ZBTB20: variants seen among roughly 807,000 people sequenced by gnomAD.
The protein encoded by ZBTB20 is zinc finger and BTB domain containing 20, also known as zinc finger and BTB domain-containing protein 20.
ZBTB20 carries 9 observed loss-of-function variants against 56.9 expected under a neutral mutation model. The ratio of observed to expected loss-of-function variants is 0.16; its 90% CI spans 0.10 to 0.28. The LOEUF (loss-of-function observed/expected upper bound fraction) is 0.28. Among genes scored for constraint, ZBTB20 ranks in the 10% least tolerant of loss-of-function variants. The pLI is 1.00. For synonymous variants in ZBTB20, 417 were observed against 420.7 expected (o/e 0.99, Z 0.11); for missense variants, 655 against 1,003.0 (o/e 0.65, Z 4.69).
At chr3:114,709,781 C>T (rs1025939772) in intron 5 of ZBTB20, among the ~76,000 whole-genome samples, 25 of 152,160 alleles carry the variant, frequency 1.6e-4, no homozygotes, top group Non-Finnish European at 3.5e-4. Flanking sequence ...TAGCTCTAGC[C>T]AACTTTTATA....
At chr3:114,922,697 C>T (rs1457062796) in intron 3 of ZBTB20, among the ~76,000 whole-genome samples, 1 of 152,208 alleles carries the variant, frequency 6.6e-6, no homozygotes, top group African/African-American at 2.4e-5. Context: ...TGCTTCCACT[C>T]ATGGCAGAAG....
At chr3:114,353,375 C>T (rs998725644) in intron 10 of ZBTB20, among the ~76,000 whole-genome samples, 11 of 152,186 alleles carry the variant, frequency 7.2e-5, no homozygotes, top group African/African-American at 2.2e-4. Flanking sequence ...AGCGTTTCTA[C>T]CTTGCTTCAC....
Position 114,338,982 on chromosome 3 carries a change from TAAGA to T in ZBTB20, c.*19_*22del. The T allele has an allele frequency of 3.4e-6, 5 of 1,487,330 alleles. No individual in the cohort carries two copies. The highest frequency in any genetic ancestry group is 1.4e-5 in the African/African-American group (1 of 71,452). 92.1% of individuals were successfully genotyped at this position (1,487,330 alleles called of 1,614,324 possible). A position where few individuals can be genotyped will look rare whatever the true frequency, so the allele number is the denominator to read the frequency against. On this transcript the variant is annotated 3_prime_UTR_variant, in exon 12 of 12. Coordinates refer to ENST00000675478, the MANE Select transcript of ZBTB20 (RefSeq NM_001348800.3). ...TTTTGTTGTTGTTTTGTTTTGTTCA[TAAGA>T]AAGAGAGAAAGATACTACTTATCCG...
In ZBTB20 at chr3:114,597,480, C is replaced by T. The variant is rs568823695; in HGVS notation, c.-295+96048G>A. 5.9e-5 allele frequency among the ~76,000 whole-genome samples: 9 copies of T among 152,304 alleles called. No individual in the cohort carries two copies. In the East Asian group the frequency reaches 1.5e-3, roughly 26 times the overall value. ...GGCAGCTTCTCTTGACCTTGATACA[C>T]TGTGCCATTGAAAGCAGTCACACTT... On this transcript the variant is annotated intron_variant, in intron 6 of 11. Transcript: ENST00000675478.
At chr3:114,792,876 CTT>C (rs71146337) in intron 5 of ZBTB20, among the ~76,000 whole-genome samples, 90,898 of 119,740 alleles carry the variant, frequency 0.76, 35,822 homozygotes, top group East Asian at 0.96. Flanking sequence ...TTTTCTTTTT[CTT>C]TTTTTTTTTT....
At chr3:114,575,333 T>C (rs993383925) in intron 6 of ZBTB20, among the ~76,000 whole-genome samples, 7 of 152,176 alleles carry the variant, frequency 4.6e-5, no homozygotes, top group Middle Eastern at 3.2e-3. Context: ...ATCAAATGTA[T>C]CATTAGAATT....
chr3:114,567,066 A>G (rs903744740), intron 6 of ZBTB20, among the ~76,000 whole-genome samples: 1 of 151,948 alleles, frequency 6.6e-6, no homozygotes, highest in Non-Finnish European at 1.5e-5. Context: ...CTGATGTGTG[A>G]TGGCTGCACA....
At chr3:114,341,152 T>C (rs367829279) in intron 11 of ZBTB20, among the ~76,000 whole-genome samples, 3 of 152,160 alleles carry the variant, frequency 2.0e-5, no homozygotes, top group African/African-American at 7.2e-5. Context: ...GATCACATGG[T>C]TAGAAGATAA....
chr3:114,439,588 T>C (rs1489440915), intron 7 of ZBTB20, among the ~76,000 whole-genome samples: 1 of 152,112 alleles, frequency 6.6e-6, no homozygotes, highest in Non-Finnish European at 1.5e-5. Context: ...TTTAAAGAGC[T>C]CAGACCAACA....
intron 1 of ZBTB20, among the ~76,000 whole-genome samples, chr3:115,128,296 G>C (rs940716895): frequency 2.6e-5 from 4 of 152,170 alleles, no homozygotes; most frequent in South Asian, 2.1e-4. Context: ...TTACGTGAAA[G>C]ATATAATATC....
At chr3:115,063,913 C>A (rs1476189259) in intron 2 of ZBTB20, among the ~76,000 whole-genome samples, 1 of 152,150 alleles carries the variant, frequency 6.6e-6, no homozygotes, top group African/African-American at 2.4e-5. Context: ...TCCCTTTCTT[C>A]CATCCTTCCA....
intron 5 of ZBTB20, among the ~76,000 whole-genome samples, chr3:114,735,407 T>C (rs2066073829): frequency 6.6e-6 from 1 of 152,146 alleles, no homozygotes. Context: ...AGTTTCTGAA[T>C]TTATCAACTT....
At chr3:114,665,303 A>G (rs1246867717) in intron 6 of ZBTB20, among the ~76,000 whole-genome samples, 1 of 152,060 alleles carries the variant, frequency 6.6e-6, no homozygotes, top group East Asian at 1.9e-4. Context: ...ACAGGTTTAT[A>G]AGGTTTATGG....
At chr3:114,514,749 G>A (rs7620649) in intron 6 of ZBTB20, among the ~76,000 whole-genome samples, 54,978 of 151,906 alleles carry the variant, frequency 0.36, 11,544 homozygotes, top group African/African-American at 0.59. Context: ...GCGAGGGCCA[G>A]AAAAGAAGAG....
In ZBTB20 at chr3:114,404,148, A is replaced by G. The variant is rs546356384; in HGVS notation, c.-254-15043T>C. Among the ~76,000 whole-genome samples, 8 of 152,310 alleles carry G rather than the reference A, an allele frequency of 5.3e-5. No individual in the cohort carries two copies. In the East Asian group the frequency reaches 7.7e-4, roughly 15 times the overall value. Reference sequence around the variant, plus strand: ...ATACTGAAGCTATTTTTCCTTGTACACATGGACAAATCATAGGGGAATAAT... The same window carrying G: ...ATACTGAAGCTATTTTTCCTTGTACGCATGGACAAATCATAGGGGAATAAT... On this transcript the variant is annotated intron_variant, in intron 7 of 11. Transcript: ENST00000675478.
At position 114,839,465 on chromosome 3, in the gene ZBTB20, A is replaced by AAGAAAGAAAGAAAGAG. The variant is rs767019231; in HGVS notation, c.-416-38292_-416-38291insCTCTTTCTTTCTTTCT. Among the ~76,000 whole-genome samples the AAGAAAGAAAGAAAGAG allele has an allele frequency of 1.1e-3, 160 of 148,248 alleles. 1 individual carries two copies. The highest frequency in any genetic ancestry group is 3.1e-3 in the African/African-American group (124 of 39,936). ...AAAGAAAGAAAGAAAGAAAGAAAGA[A>AAGAAAGAAAGAAAGAG]AGAGAGAGAGAAAGAAAGAGAAAGA... On this transcript the variant is annotated intron_variant, in intron 4 of 11. Coordinates refer to ENST00000675478, the MANE Select transcript of ZBTB20 (RefSeq NM_001348800.3).
intron 5 of ZBTB20, among the ~76,000 whole-genome samples, chr3:114,797,213 G>C (rs2071391629): frequency 6.6e-6 from 1 of 151,354 alleles, no homozygotes; most frequent in African/African-American, 2.4e-5. Context: ...AATATGTGAT[G>C]TGCTTTAAAA....
intron 4 of ZBTB20, among the ~76,000 whole-genome samples, chr3:114,871,837 T>C (rs2076023138): frequency 6.6e-6 from 1 of 152,162 alleles, no homozygotes; most frequent in East Asian, 1.9e-4. Flanking sequence ...CAACTATATA[T>C]ACTTATTTTG....
intron 5 of ZBTB20, among the ~76,000 whole-genome samples, chr3:114,779,901 G>A (rs1434498068): frequency 2.0e-5 from 3 of 152,122 alleles, no homozygotes; most frequent in Non-Finnish European, 2.9e-5. Flanking sequence ...AACACCCCTT[G>A]ATTACACACT....
Sources: allele counts gnomAD v4.1 joint callset (sites outside exome capture counted in the v4.1 genomes callset), GRCh38; gene constraint gnomAD v4.1.1; transcripts MANE v1.5; gene names NCBI Gene and HGNC (gene_info 2026-07-23, HGNC 2026-07-21).